TCEA3: variants seen among roughly 807,000 people sequenced by gnomAD.
TCEA3 encodes the protein transcription elongation factor A protein 3.
In TCEA3, 36 loss-of-function variants were observed where a neutral mutation model predicts 44.0. That is an observed-to-expected ratio of 0.82 (90% CI 0.63 to 1.08). The LOEUF (loss-of-function observed/expected upper bound fraction) is 1.08, where lower values mean the gene tolerates loss of function less well. TCEA3 is among the 50% of genes least tolerant of loss of function. The pLI, the probability that TCEA3 is intolerant of heterozygous loss-of-function variation, is 0.00. For synonymous variants in TCEA3, 162 were observed against 159.7 expected (o/e 1.01, Z -0.11); for missense variants, 392 against 441.2 (o/e 0.89, Z 1.00).
chr1:23,384,933 C>G (rs1438507063), intron 9 of TCEA3, among the ~76,000 whole-genome samples: 1 of 152,130 alleles, frequency 6.6e-6, no homozygotes, highest in African/African-American at 2.4e-5. Context: ...TATTCCCTGA[C>G]TCACCCCTGA....
intron 4 of TCEA3, 114 bp from the exon 5 acceptor site, chr1:23,408,840 C>T: frequency 2.1e-6 from 2 of 931,756 alleles, no homozygotes; most frequent in South Asian, 3.3e-5. Flanking sequence ...CTAAGGAAGC[C>T]CACCCGGGCC....
In TCEA3 at chr1:23,417,928, T is replaced by C. The variant is rs765239137; in HGVS notation, c.214A>G (p.Ile72Val). Residue 72 changes from isoleucine to valine, a missense_variant, in exon 3 of 11, where the codon ATC (isoleucine) becomes GTC (valine). Ile to Val is a conservative substitution (Grantham distance 29). Transcript: ENST00000450454. ...CCTAGCAGCCGCTTCCAGTTTTTGA[T>C]AAGGACTTTGGCCAAGGACACCACC... ...KEVVSLAKVL[I>V]KNWKRLLDSP... The C allele has an allele frequency of 1.2e-6, 2 of 1,614,046 alleles. No individual in the cohort carries two copies. Among genetic ancestry groups the C allele is most frequent in the Non-Finnish European group, 1.7e-6 (2 of 1,179,896 alleles).
At chr1:23,413,876 C>T (rs1018566323) in intron 4 of TCEA3, among the ~76,000 whole-genome samples, 16 of 151,488 alleles carry the variant, frequency 1.1e-4, no homozygotes, top group Admixed American at 1.1e-3. Flanking sequence ...CATTTATGTA[C>T]ATGAAAAGGT....
intron 5 of TCEA3, among the ~76,000 whole-genome samples, chr1:23,399,519 G>A (rs1298528481): frequency 1.3e-5 from 2 of 151,862 alleles, no homozygotes; most frequent in African/African-American, 4.8e-5. Flanking sequence ...TGAATTTTAG[G>A]GGGTCACAAA....
chr1:23,385,231 G>T (rs1384315716), intron 9 of TCEA3, among the ~76,000 whole-genome samples: 1 of 152,120 alleles, frequency 6.6e-6, no homozygotes, highest in Non-Finnish European at 1.5e-5. Flanking sequence ...TCATTACTTT[G>T]CTGACAATCA....
chr1:23,408,571 C>A, intron 5 of TCEA3, 93 bp downstream of exon 5: 1 of 1,327,648 alleles, frequency 7.5e-7, no homozygotes, highest in East Asian at 2.5e-5. Context: ...TCCTTCCCTC[C>A]TTTCCTCTGC....
chr1:23,422,425 T>C (rs1275207774), intron 1 of TCEA3, among the ~76,000 whole-genome samples: 1 of 152,216 alleles, frequency 6.6e-6, no homozygotes, highest in African/African-American at 2.4e-5. Context: ...CTTCTGTTAG[T>C]GCATGCTCAG....
In TCEA3 at chr1:23,384,135, G is replaced by A. The variant is rs1638751160; in HGVS notation, c.1038+211C>T. 6.6e-6 allele frequency: 9 copies of A among 1,373,234 alleles called. 1 individual carries two copies. The East Asian group carries it at 2.5e-4, about 37-fold the overall frequency. 85.1% of individuals were successfully genotyped at this position (1,373,234 alleles called of 1,614,324 possible). On this transcript the variant is annotated intron_variant, in intron 10 of 10. Transcript: ENST00000450454. ...TGGGCTGCTGCCCCCACCCCAGCTT[G>A]GTGCCCTTCTAAAATGAAAACATGC...
At chr1:23,420,964 C>T (rs767901394) in intron 1 of TCEA3, among the ~76,000 whole-genome samples, 2 of 152,146 alleles carry the variant, frequency 1.3e-5, no homozygotes, top group Non-Finnish European at 2.9e-5. Context: ...ATCCTTGGCC[C>T]ACAGTTCATG....
intron 8 of TCEA3, among the ~76,000 whole-genome samples, chr1:23,391,598 G>A (rs1639029755): frequency 6.6e-6 from 1 of 152,080 alleles, no homozygotes; most frequent in African/African-American, 2.4e-5. Context: ...ATCTGCTGCT[G>A]CCCTGATGTT....
Position 23,417,285 on chromosome 1 carries a change from G to T in TCEA3, c.344C>A (p.Ser115Tyr). 1.2e-6 allele frequency: 2 copies of T among 1,613,982 alleles called. No individual in the cohort carries two copies. The highest frequency in any genetic ancestry group is 8.5e-7 in the Non-Finnish European group (1 of 1,179,882). The change falls in exon 4 of 11, where the codon TCT becomes TAT. Residue 115 changes from serine (S) to tyrosine (Y), a missense_variant. Ser to Tyr is a moderately radical substitution (Grantham distance 144). Coordinates refer to ENST00000450454, the MANE Select transcript of TCEA3 (RefSeq NM_003196.3). ...CSDWKPEAGLSPPRKKREDPK... is the reference protein window; with the variant it reads ...CSDWKPEAGLYPPRKKREDPK... ...GTCTTCTCGTTTTTTCCTTGGTGGA[G>T]AAAGGCCTGCTTCTGGCTTCCAGTC...
At chr1:23,410,619 T>C (rs1246340693) in intron 4 of TCEA3, among the ~76,000 whole-genome samples, 2 of 151,802 alleles carry the variant, frequency 1.3e-5, no homozygotes. Context: ...CTGGCCAACA[T>C]GGTGAAACCC....
At chr1:23,392,894 G>A (rs1639104825) in intron 8 of TCEA3, among the ~76,000 whole-genome samples, 1 of 152,102 alleles carries the variant, frequency 6.6e-6, no homozygotes, top group East Asian at 1.9e-4. Context: ...GGTGGGGGAT[G>A]GTTTCAGGAT....
chr1:23,419,230 TACAGACAGACATGTGGCCGAAGG>T, intron 1 of TCEA3, 91 bp from the exon 2 acceptor site: 2 of 950,506 alleles, frequency 2.1e-6, no homozygotes, highest in Non-Finnish European at 3.1e-6. Flanking sequence ...AGCAGGAGGA[TACAGACAGACATGTGGCCGAAGG>T]ACAGGCAAGG....
intron 4 of TCEA3, among the ~76,000 whole-genome samples, chr1:23,413,288 C>T (rs1639789036): frequency 6.6e-6 from 1 of 150,674 alleles, no homozygotes; most frequent in South Asian, 2.1e-4. Flanking sequence ...AGGTGCACGC[C>T]ACCACGCCCG....
chr1:23,392,415 C>CAATACACACACACTCCACACATCATGCAT (rs1639068049), intron 8 of TCEA3, among the ~76,000 whole-genome samples: 1 of 776 alleles, frequency 1.3e-3, no homozygotes, highest in African/African-American at 5.1e-3. Flanking sequence ...TCATCATGCA[C>CAATACACACACACTCCACACATCATGCAT]AATACACACA....
intron 5 of TCEA3, among the ~76,000 whole-genome samples, chr1:23,402,363 C>A (rs1267985774): frequency 5.3e-5 from 8 of 152,126 alleles, no homozygotes; most frequent in East Asian, 1.9e-4. Context: ...AAAAACAAAA[C>A]CAAAAGCTCA....
At chr1:23,382,793 T>G (rs924691805) in intron 10 of TCEA3, among the ~76,000 whole-genome samples, 2 of 152,242 alleles carry the variant, frequency 1.3e-5, no homozygotes, top group Admixed American at 6.5e-5. Flanking sequence ...AGTCACTTGG[T>G]AAGGGATAAA....
intron 5 of TCEA3, among the ~76,000 whole-genome samples, chr1:23,398,705 A>G (rs552743259): frequency 2.0e-5 from 3 of 152,286 alleles, no homozygotes; most frequent in South Asian, 2.1e-4. Context: ...AAGGCTATAC[A>G]CCACCAGGAT....
Sources: allele counts gnomAD v4.1 joint callset (sites outside exome capture counted in the v4.1 genomes callset), GRCh38; gene constraint gnomAD v4.1.1; transcripts MANE v1.5; gene names NCBI Gene and HGNC (gene_info 2026-07-23, HGNC 2026-07-21).